Variants in SMIM7 observed in about 807,000 individuals in gnomAD.
SMIM7 encodes UPF0608 protein C19orf42.
Under a neutral mutation model 13.3 loss-of-function variants are expected in SMIM7, and 12 were observed. The observed-to-expected ratio is 0.90, with a 90% CI of 0.58 to 1.46. The LOEUF (loss-of-function observed/expected upper bound fraction) is 1.46, where lower values mean the gene tolerates loss of function less well. Among genes scored for constraint, SMIM7 ranks in the 40% most tolerant of loss-of-function variants. The pLI is 0.00. For missense variants in SMIM7, 114 were observed against 94.8 expected (o/e 1.20, Z -0.84); for synonymous variants, 36 against 35.8 (o/e 1.01, Z -0.02).
chr19:16,637,988 T>C (rs2086372546), intron 4 of SMIM7, among the ~76,000 whole-genome samples: 1 of 152,076 alleles, frequency 6.6e-6, no homozygotes, highest in Admixed American at 6.5e-5. Context: ...CTGGTTGTGG[T>C]GGCTCACGCC....
intron 3 of SMIM7, among the ~76,000 whole-genome samples, chr19:16,657,203 G>C (rs2086607730): frequency 2.0e-5 from 3 of 152,220 alleles, no homozygotes; most frequent in African/African-American, 7.2e-5. Context: ...GGAGGGCAAA[G>C]AGCAGCTCCC....
intron 4 of SMIM7, among the ~76,000 whole-genome samples, chr19:16,648,387 C>T (rs1006220970): frequency 6.6e-6 from 1 of 151,702 alleles, no homozygotes; most frequent in Non-Finnish European, 1.5e-5. Context: ...GTGATCCAAC[C>T]GCCTCAGCCT....
At position 16,653,577 on chromosome 19, in the gene SMIM7, G is replaced by A. The variant is rs532275744; in HGVS notation, c.212+458C>T. ...CAGCCTGGGCAACAGAGCAAGACTC[G>A]ATCTCAAAAACAAAAACAAACAAAC... On this transcript the variant is annotated intron_variant, in intron 4 of 4. Transcript: ENST00000487416. 29 of 156,590 alleles carry A rather than the reference G, an allele frequency of 1.9e-4. 1 individual carries two copies. The highest frequency in any genetic ancestry group is 3.6e-3 in the Middle Eastern group (1 of 278). 9.7% of individuals were successfully genotyped at this position (156,590 alleles called of 1,614,324 possible). A position where few individuals can be genotyped will look rare whatever the true frequency, so the allele number is the denominator to read the frequency against.
chr19:16,659,259 G>A (rs2086637135), intron 3 of SMIM7, 136 bp downstream of exon 3: 5 of 825,984 alleles, frequency 6.1e-6, no homozygotes, highest in Non-Finnish European at 9.4e-6. Context: ...CTCCAACCTG[G>A]ACAACAGAGC....
chr19:16,659,328 G>T, intron 3 of SMIM7, 67 bp downstream of exon 3: 1 of 1,350,210 alleles, frequency 7.4e-7, no homozygotes, highest in Non-Finnish European at 1.0e-6. Flanking sequence ...AACGAAGGTA[G>T]GGCTTGGCGA....
chr19:16,659,562 C>T (rs1465264246), intron 2 of SMIM7, 115 bp from the exon 3 acceptor site: 3 of 1,067,144 alleles, frequency 2.8e-6, no homozygotes, highest in Non-Finnish European at 4.2e-6. Flanking sequence ...CTGCCGCAAA[C>T]TTGCTGTGTG....
intron 4 of SMIM7, among the ~76,000 whole-genome samples, chr19:16,638,347 A>G (rs1424923892): frequency 1.4e-5 from 2 of 141,552 alleles, no homozygotes; most frequent in Non-Finnish European, 3.0e-5. Flanking sequence ...CTTGCTGCAC[A>G]GGCTGGAGTG....
chr19:16,632,147 C>T (rs561583498), intron 4 of SMIM7, among the ~76,000 whole-genome samples: 1 of 152,150 alleles, frequency 6.6e-6, no homozygotes, highest in Non-Finnish European at 1.5e-5. Context: ...GGATTACAGG[C>T]ATGAGCCACC....
At chr19:16,659,834 G>A in intron 2 of SMIM7, 125 bp downstream of exon 2, 2 of 1,308,580 alleles carry the variant, frequency 1.5e-6, no homozygotes, top group South Asian at 1.3e-5. Context: ...GGCGTGCCCA[G>A]AGGGCGGATA....
intron 4 of SMIM7, among the ~76,000 whole-genome samples, chr19:16,648,121 A>C (rs2086473511): frequency 1.3e-5 from 2 of 152,252 alleles, no homozygotes; most frequent in African/African-American, 2.4e-5. Context: ...CAAAAACATA[A>C]ACTCAACTTC....
intron 4 of SMIM7, among the ~76,000 whole-genome samples, chr19:16,649,043 T>C (rs914348454): frequency 5.9e-5 from 9 of 152,000 alleles, no homozygotes; most frequent in Non-Finnish European, 1.0e-4. Context: ...AAAACTTTCA[T>C]ACCTACTAGG....
intron 3 of SMIM7, among the ~76,000 whole-genome samples, chr19:16,656,749 A>T (rs2086601664): frequency 6.6e-6 from 1 of 152,034 alleles, no homozygotes; most frequent in African/African-American, 2.4e-5. Flanking sequence ...AAATACAAAA[A>T]TTAGCTGGGC....
At chr19:16,633,131 C>T (rs1366579095) in intron 4 of SMIM7, among the ~76,000 whole-genome samples, 1 of 152,082 alleles carries the variant, frequency 6.6e-6, no homozygotes, top group Non-Finnish European at 1.5e-5. Flanking sequence ...TCAATGTGAG[C>T]GGTGACCTCA....
rs1184272665 is a variant in SMIM7 at position 16,659,870 on chromosome 19, G to A, written c.68+89C>T. On this transcript the variant is annotated intron_variant, in intron 2 of 4. Coordinates refer to ENST00000487416, the MANE Select transcript of SMIM7 (RefSeq NM_024104.4). Reference sequence around the variant, plus strand: ...GGGCGGGGCCTGCGGCTTGGGGGCGGGGCCTGAGAAGTGCGCCGAGATCAC... The same window carrying A: ...GGGCGGGGCCTGCGGCTTGGGGGCGAGGCCTGAGAAGTGCGCCGAGATCAC... The A allele has an allele frequency of 1.5e-5, 22 of 1,512,492 alleles. No individual in the cohort carries two copies. In the Admixed American group the frequency reaches 4.1e-4, roughly 28 times the overall value. 93.7% of individuals were successfully genotyped at this position (1,512,492 alleles called of 1,614,324 possible).
chr19:16,647,089 T>A lies in SMIM7; in HGVS notation c.*157A>T. The A allele has an allele frequency of 1.1e-6, 1 of 874,482 alleles. No homozygotes were observed. The highest frequency in any genetic ancestry group is 1.8e-6 in the Non-Finnish European group (1 of 542,276). The allele number at this position is 874,482 out of a possible 1,614,324, so 54.2% of individuals were successfully genotyped here. On this transcript the variant is annotated 3_prime_UTR_variant, in exon 5 of 5. Coordinates refer to ENST00000487416, the MANE Select transcript of SMIM7 (RefSeq NM_024104.4). ...AAACAGGGACGTGGCTGGGAAACCATGCACACCTCGGCGAACACTTTTCCA... is the reference window on the plus strand; with the variant it reads ...AAACAGGGACGTGGCTGGGAAACCAAGCACACCTCGGCGAACACTTTTCCA...
At chr19:16,632,317 T>C (rs1353276516) in intron 4 of SMIM7, among the ~76,000 whole-genome samples, 1 of 152,072 alleles carries the variant, frequency 6.6e-6, no homozygotes, top group Admixed American at 6.6e-5. Flanking sequence ...TTTAAATTGG[T>C]TTTGACTAAC....
In SMIM7 at chr19:16,652,998, A is replaced by G. The variant is rs3745330; in HGVS notation, c.212+1037T>C. On this transcript the variant is annotated intron_variant, in intron 4 of 4. Coordinates refer to ENST00000487416, the MANE Select transcript of SMIM7 (RefSeq NM_024104.4). ...ATGAAAAGCCAGAATTTAAAACAAT[A>G]AAGTCTGAATACATTTCTACTGGCT... 6.1e-4 allele frequency: 944 copies of G among 1,549,228 alleles called. 16 individuals carry two copies. In the East Asian group the frequency reaches 0.022, roughly 37 times the overall value.
exon 5 of SMIM7, chr19:16,631,321 G>A (rs1215937093): frequency 1.3e-5 from 2 of 152,134 alleles, no homozygotes; most frequent in African/African-American, 4.8e-5. Context: ...GGGAGGCAGA[G>A]GTTGCAGTGA....
intron 4 of SMIM7, among the ~76,000 whole-genome samples, chr19:16,637,438 T>G (rs539654226): frequency 3.3e-5 from 5 of 151,688 alleles, no homozygotes; most frequent in Non-Finnish European, 7.4e-5. Context: ...CTGGGGGAGG[T>G]TGAGGCTACA....
Sources: allele counts gnomAD v4.1 joint callset (sites outside exome capture counted in the v4.1 genomes callset), GRCh38; gene constraint gnomAD v4.1.1; transcripts MANE v1.5; gene names NCBI Gene and HGNC (gene_info 2026-07-23, HGNC 2026-07-21).